The following AGMO variants were observed in gnomAD, a reference collection of about 807,000 sequenced individuals.
AGMO encodes alkylglycerol monooxygenase.
A neutral mutation model predicts 60.2 loss-of-function variants in AGMO; 75 were observed. The observed-to-expected ratio is 1.25, with a 90% CI of 1.03 to 1.51. The LOEUF (loss-of-function observed/expected upper bound fraction) is 1.51, where lower values mean the gene tolerates loss of function less well. Among genes scored for constraint, AGMO ranks in the 40% most tolerant of loss-of-function variants. AGMO has a pLI of 0.00. For synonymous variants in AGMO, 261 were observed against 177.1 expected (o/e 1.47, Z -3.76); for missense variants, 763 against 525.5 (o/e 1.45, Z -4.42).
At chr7:15,343,092 T>G (rs563903573) in intron 12 of AGMO, among the ~76,000 whole-genome samples, 5 of 152,196 alleles carry the variant, frequency 3.3e-5, no homozygotes, top group African/African-American at 1.2e-4. Flanking sequence ...TATATTTTCC[T>G]ATAGCAATAA....
chr7:15,212,624 T>A (rs1450434607), intron 12 of AGMO, among the ~76,000 whole-genome samples: 3 of 151,990 alleles, frequency 2.0e-5, no homozygotes, highest in East Asian at 3.9e-4. Context: ...GTAAAATGAA[T>A]CATATCTAGC....
chr7:15,198,196 CGAGAGAGAGAGAGAGAGAGA>C (rs748392069), downstream of AGMO, among the ~76,000 whole-genome samples: 214 of 77,400 alleles, frequency 2.8e-3, no homozygotes, highest in Middle Eastern at 8.6e-3. Flanking sequence ...AGGGCTTTCC[CGAGAGAGAGAGAGAGAGAGA>C]GAGAGAGAGA....
At chr7:15,506,164 A>G (rs1291544873) in intron 3 of AGMO, among the ~76,000 whole-genome samples, 2 of 152,100 alleles carry the variant, frequency 1.3e-5, no homozygotes, top group African/African-American at 4.8e-5. Context: ...ATACTTGAAT[A>G]TTGCTCAAAA....
At chr7:15,327,089 A>C (rs1437055798) in intron 12 of AGMO, among the ~76,000 whole-genome samples, 2 of 152,304 alleles carry the variant, frequency 1.3e-5, no homozygotes, top group East Asian at 3.9e-4. Flanking sequence ...TTGTGTTACG[A>C]AGCCTTTGTG....
chr7:15,296,471 A>G (rs1367351042), intron 12 of AGMO, among the ~76,000 whole-genome samples: 1 of 152,184 alleles, frequency 6.6e-6, no homozygotes, highest in Non-Finnish European at 1.5e-5. Flanking sequence ...ACTGGACTGT[A>G]CCGTCACAGC....
At chr7:15,193,863 T>A in the AGMO span, among the ~76,000 whole-genome samples, 3 of 152,320 alleles carry the variant, frequency 2.0e-5, no homozygotes, top group Middle Eastern at 3.4e-3. Context: ...TATTTTGATG[T>A]ATTCTTTTGT....
chr7:15,474,479 A>C (rs1782538894), intron 3 of AGMO, among the ~76,000 whole-genome samples: 1 of 152,192 alleles, frequency 6.6e-6, no homozygotes, highest in African/African-American at 2.4e-5. Flanking sequence ...GGTGTCGGAA[A>C]AACTGGATAG....
intron 3 of AGMO, among the ~76,000 whole-genome samples, chr7:15,505,267 G>A (rs548524253): frequency 7.2e-5 from 11 of 152,094 alleles, no homozygotes; most frequent in African/African-American, 2.6e-4. Flanking sequence ...TTTACTTTAT[G>A]TTCTTCTCAA....
chr7:15,485,209 A>G (rs1255600082), intron 3 of AGMO, among the ~76,000 whole-genome samples: 1 of 151,592 alleles, frequency 6.6e-6, no homozygotes, highest in Non-Finnish European at 1.5e-5. Flanking sequence ...CCCAGCTACT[A>G]TGGAGGCTGA....
chr7:15,444,862 T>A (rs1210261381), intron 3 of AGMO, among the ~76,000 whole-genome samples: 1 of 152,210 alleles, frequency 6.6e-6, no homozygotes, highest in East Asian at 1.9e-4. Flanking sequence ...ATTCTCTGAA[T>A]CTATCTCATT....
At chr7:15,155,946 G>A in the AGMO span, among the ~76,000 whole-genome samples, 1 of 152,196 alleles carries the variant, frequency 6.6e-6, no homozygotes, top group Non-Finnish European at 1.5e-5. Flanking sequence ...CTAACCCTGA[G>A]GAGTTGTAAC....
rs186822415 is a variant in AGMO at position 15,518,782 on chromosome 7, G to A, written c.409+25990C>T. Among the ~76,000 whole-genome samples, 43 of 151,972 alleles carry A rather than the reference G, an allele frequency of 2.8e-4. No individual in the cohort carries two copies. In the East Asian group the frequency reaches 6.9e-3, roughly 24 times the overall value. On this transcript the variant is annotated intron_variant, in intron 3 of 12. Coordinates refer to ENST00000342526, the MANE Select transcript of AGMO (RefSeq NM_001004320.2). ...CTCCTCCAAAGTATCACAACTCCTC[G>A]CCAGCAAGGAAACAAAACTGGATGG... is the stretch of plus-strand genomic sequence containing the variant.
intron 12 of AGMO, among the ~76,000 whole-genome samples, chr7:15,320,582 G>T (rs1451723083): frequency 6.6e-6 from 1 of 152,082 alleles, no homozygotes; most frequent in African/African-American, 2.4e-5. Context: ...ATAAAAAGGA[G>T]TATTAAATAT....
chr7:15,232,235 A>AAATTTC (rs1489529968), intron 12 of AGMO, among the ~76,000 whole-genome samples: 1 of 152,192 alleles, frequency 6.6e-6, no homozygotes, highest in Non-Finnish European at 1.5e-5. Flanking sequence ...CTCTGGCTAG[A>AAATTTC]AATTTCAATC....
chr7:15,412,729 G>A (rs1392175270), intron 5 of AGMO, among the ~76,000 whole-genome samples: 1 of 131,392 alleles, frequency 7.6e-6, no homozygotes, highest in Non-Finnish European at 1.6e-5. Flanking sequence ...CCCTAAAATT[G>A]AAGATCACCA....
chr7:15,487,307 G>C (rs1782949802), intron 3 of AGMO, among the ~76,000 whole-genome samples: 1 of 151,976 alleles, frequency 6.6e-6, no homozygotes, highest in Non-Finnish European at 1.5e-5. Context: ...TCATTAAATG[G>C]GGCAAAAATA....
intron 12 of AGMO, among the ~76,000 whole-genome samples, chr7:15,252,885 C>A (rs1019450843): frequency 6.6e-6 from 1 of 152,084 alleles, no homozygotes; most frequent in African/African-American, 2.4e-5. Flanking sequence ...GAGATCATGA[C>A]ATACAGAGAG....
At chr7:15,385,789 A>G (rs1382052020) in intron 9 of AGMO, among the ~76,000 whole-genome samples, 1 of 152,318 alleles carries the variant, frequency 6.6e-6, no homozygotes, top group Non-Finnish European at 1.5e-5. Flanking sequence ...TAATTCAACA[A>G]TATGTGCAAA....
intron 4 of AGMO, among the ~76,000 whole-genome samples, chr7:15,427,247 A>G (rs1462461371): frequency 6.6e-6 from 1 of 152,186 alleles, no homozygotes; most frequent in East Asian, 1.9e-4. Context: ...GAGTATAAGC[A>G]CGTACACATG....
Sources: gnomAD v4.1 joint callset for allele counts (sites outside exome capture counted in the v4.1 genomes callset) on GRCh38, gnomAD v4.1.1 for gene constraint, MANE v1.5 for transcripts, NCBI Gene and HGNC (gene_info 2026-07-23, HGNC 2026-07-21) for gene names.